The following CNTNAP5 variants were observed in gnomAD, a reference collection of about 807,000 sequenced individuals.
CNTNAP5 encodes the protein contactin associated protein family member 5.
Under a neutral mutation model 150.2 loss-of-function variants are expected in CNTNAP5, and 72 were observed. The ratio of observed to expected loss-of-function variants is 0.48; its 90% CI spans 0.40 to 0.58. The LOEUF (loss-of-function observed/expected upper bound fraction) is 0.58, where lower values mean the gene tolerates loss of function less well. CNTNAP5 is among the 20% of genes least tolerant of loss of function. CNTNAP5 has a pLI of 0.00. For synonymous variants in CNTNAP5, 672 were observed against 619.8 expected (o/e 1.08, Z -1.25); for missense variants, 1,636 against 1,626.2 (o/e 1.01, Z -0.10).
intron 12 of CNTNAP5, among the ~76,000 whole-genome samples, chr2:124,629,840 A>T (rs1677809254): frequency 6.7e-6 from 1 of 149,904 alleles, no homozygotes; most frequent in Admixed American, 6.7e-5. Flanking sequence ...AAGAAGAGAG[A>T]AGATTCAAAT....
At chr2:124,470,912 AT>A (rs950274591) in intron 6 of CNTNAP5, among the ~76,000 whole-genome samples, 75 of 151,968 alleles carry the variant, frequency 4.9e-4, no homozygotes, top group African/African-American at 1.7e-3. Context: ...TCTCTATTCT[AT>A]GGTTCCATTG....
chr2:124,740,905 C>T (rs963700357), intron 13 of CNTNAP5, among the ~76,000 whole-genome samples: 3 of 151,678 alleles, frequency 2.0e-5, no homozygotes, highest in Non-Finnish European at 4.4e-5. Flanking sequence ...AACATGCATG[C>T]CTCTTGAGGT....
chr2:124,192,762 C>G (rs1685489647), intron 1 of CNTNAP5, among the ~76,000 whole-genome samples: 2 of 152,126 alleles, frequency 1.3e-5, no homozygotes, highest in South Asian at 4.1e-4. Context: ...CATGACCACC[C>G]TATTGAATAT....
At chr2:124,135,423 G>C (rs1683953356) in intron 1 of CNTNAP5, among the ~76,000 whole-genome samples, 1 of 152,206 alleles carries the variant, frequency 6.6e-6, no homozygotes, top group Non-Finnish European at 1.5e-5. Flanking sequence ...TAAGGAAGAT[G>C]TAAGCTTGTT....
At chr2:124,076,403 G>A (rs1009233199) in intron 1 of CNTNAP5, among the ~76,000 whole-genome samples, 13 of 152,004 alleles carry the variant, frequency 8.6e-5, no homozygotes, top group African/African-American at 2.9e-4. Flanking sequence ...AGTCTATTAC[G>A]ATTATAATAT....
rs144149671 is a variant in CNTNAP5, at chr2:124,586,413, A to T, written c.1756+23090A>T. Among the ~76,000 whole-genome samples the T allele has an allele frequency of 4.7e-3, 716 of 152,302 alleles. 1 individual carries two copies. Among genetic ancestry groups the T allele is most frequent in the Admixed American group, 9.6e-3 (147 of 15,292 alleles). ...TTAGCTACTATCCAGCGGAGCCAGG[A>T]GCGGGTGCTGGCCTGCCTGCAGGAC... On this transcript the variant is annotated intron_variant, in intron 11 of 23. Coordinates refer to ENST00000682447, the MANE Select transcript of CNTNAP5 (RefSeq NM_001367498.1).
intron 9 of CNTNAP5, among the ~76,000 whole-genome samples, chr2:124,525,364 G>A (rs1398794482): frequency 6.6e-6 from 1 of 152,190 alleles, no homozygotes. Context: ...TACGACCAAG[G>A]TGTAAGCATA....
At chr2:124,561,140 G>A (rs1019464557) in intron 10 of CNTNAP5, among the ~76,000 whole-genome samples, 1 of 100,292 alleles carries the variant, frequency 1.0e-5, no homozygotes, top group African/African-American at 3.6e-5. Flanking sequence ...ATGGGCTGGG[G>A]CAAAAGGAGG....
At chr2:124,689,734 A>G (rs1483119322) in intron 13 of CNTNAP5, among the ~76,000 whole-genome samples, 2 of 152,176 alleles carry the variant, frequency 1.3e-5, no homozygotes, top group East Asian at 3.9e-4. Context: ...AGCATAGGTC[A>G]AAAAACACTT....
intron 11 of CNTNAP5, among the ~76,000 whole-genome samples, chr2:124,594,362 C>T (rs1396884440): frequency 6.6e-6 from 1 of 151,198 alleles, no homozygotes; most frequent in African/African-American, 2.4e-5. Context: ...TATGGCTAGC[C>T]AGTTTTCCCA....
chr2:124,864,471 A>G (rs1677587823), intron 19 of CNTNAP5, among the ~76,000 whole-genome samples: 1 of 149,068 alleles, frequency 6.7e-6, no homozygotes, highest in Non-Finnish European at 1.5e-5. Flanking sequence ...ATCTAGCTTA[A>G]TCTTATTTCC....
intron 10 of CNTNAP5, among the ~76,000 whole-genome samples, chr2:124,545,962 T>G (rs2104911361): frequency 6.6e-6 from 1 of 152,192 alleles, no homozygotes; most frequent in Non-Finnish European, 1.5e-5. Context: ...AAGTTAGACC[T>G]CAGCCCTACC....
intron 17 of CNTNAP5, among the ~76,000 whole-genome samples, chr2:124,783,780 C>T (rs1681503349): frequency 6.6e-6 from 1 of 151,984 alleles, no homozygotes; most frequent in Non-Finnish European, 1.5e-5. Context: ...TATTATTTTA[C>T]CTTTTGGGCA....
chr2:124,194,366 CATATATATATATATAT>C (rs1189694569), intron 1 of CNTNAP5, among the ~76,000 whole-genome samples: 1 of 101,228 alleles, frequency 9.9e-6, no homozygotes, highest in Non-Finnish European at 1.9e-5. Context: ...TAAATTAGGT[CATATATATATATATAT>C]ATATATATAT....
chr2:124,533,257 G>T (rs1695151737), intron 10 of CNTNAP5, among the ~76,000 whole-genome samples: 3 of 150,468 alleles, frequency 2.0e-5, no homozygotes, highest in Admixed American at 2.0e-4. Context: ...CATGCATGGA[G>T]ATCCTGCATT....
intron 19 of CNTNAP5, among the ~76,000 whole-genome samples, chr2:124,861,733 A>T (rs1215766667): frequency 1.3e-5 from 2 of 152,222 alleles, no homozygotes; most frequent in Admixed American, 6.5e-5. Flanking sequence ...GTTGCTAGTG[A>T]CAAAAGTTTA....
At chr2:124,117,602 A>G (rs536840726) in intron 1 of CNTNAP5, among the ~76,000 whole-genome samples, 64 of 152,288 alleles carry the variant, frequency 4.2e-4, no homozygotes, top group Non-Finnish European at 7.5e-4. Context: ...TTAACACTGT[A>G]TTTTCTAATC....
intron 1 of CNTNAP5, among the ~76,000 whole-genome samples, chr2:124,151,687 G>A (rs1031101126): frequency 6.6e-6 from 1 of 152,210 alleles, no homozygotes; most frequent in Non-Finnish European, 1.5e-5. Context: ...AGATAACGCA[G>A]GACCTAGCTC....
intron 21 of CNTNAP5, among the ~76,000 whole-genome samples, chr2:124,887,123 T>C (rs1301827130): frequency 2.0e-5 from 3 of 152,054 alleles, no homozygotes; most frequent in Non-Finnish European, 4.4e-5. Context: ...CAGAAATTCC[T>C]AATTTATAGT....
Sources: gnomAD v4.1 joint callset for allele counts (sites outside exome capture counted in the v4.1 genomes callset) on GRCh38, gnomAD v4.1.1 for gene constraint, MANE v1.5 for transcripts, NCBI Gene and HGNC (gene_info 2026-07-23, HGNC 2026-07-21) for gene names.